LIN52: variants seen among roughly 807,000 people sequenced by gnomAD.
LIN52 encodes the protein protein lin-52 homolog.
Under a neutral mutation model 18.5 loss-of-function variants are expected in LIN52, and 4 were observed. The observed-to-expected ratio is 0.22, with a 90% CI of 0.11 to 0.49. The LOEUF (loss-of-function observed/expected upper bound fraction) is 0.49. LIN52 is among the 20% of genes least tolerant of loss of function. LIN52 has a pLI of 0.97. For synonymous variants in LIN52, 34 were observed against 45.5 expected (o/e 0.75, Z 1.02); for missense variants, 102 against 139.5 (o/e 0.73, Z 1.35).
chr14:74,151,527 A>C (rs891306286), intron 5 of LIN52, among the ~76,000 whole-genome samples: 1 of 152,230 alleles, frequency 6.6e-6, no homozygotes, highest in African/African-American at 2.4e-5. Flanking sequence ...GTGATTGACC[A>C]GTCTGTTTTT....
At chr14:74,124,277 A>G (rs934806668) in intron 5 of LIN52, among the ~76,000 whole-genome samples, 1 of 152,184 alleles carries the variant, frequency 6.6e-6, no homozygotes, top group African/African-American at 2.4e-5. Flanking sequence ...CTACAGAATG[A>G]TGTATGTAAG....
chr14:74,173,261 C>T (rs989368577), intron 5 of LIN52, among the ~76,000 whole-genome samples: 8 of 152,106 alleles, frequency 5.3e-5, no homozygotes, highest in Non-Finnish European at 8.8e-5. Context: ...GATCTCAGCT[C>T]GCCGCAACCT....
intron 5 of LIN52, among the ~76,000 whole-genome samples, chr14:74,167,112 CTTTTTTTT>C (rs9323596): frequency 0.012 from 1,481 of 119,120 alleles, 30 homozygotes; most frequent in African/African-American, 0.043. Flanking sequence ...GCCTCTGCTG[CTTTTTTTT>C]TTTTTTTTTT....
At chr14:74,155,966 A>G (rs2061197485) in intron 5 of LIN52, among the ~76,000 whole-genome samples, 1 of 152,200 alleles carries the variant, frequency 6.6e-6, no homozygotes, top group Non-Finnish European at 1.5e-5. Context: ...AATTGACGGT[A>G]GATAAATGTT....
chr14:74,191,221 C>T (rs2078874307), intron 5 of LIN52, among the ~76,000 whole-genome samples: 1 of 152,238 alleles, frequency 6.6e-6, no homozygotes, highest in African/African-American at 2.4e-5. Flanking sequence ...TGCCAATCCA[C>T]CAGAATACCT....
chr14:74,141,117 A>G (rs1158995198), intron 5 of LIN52, among the ~76,000 whole-genome samples: 1 of 152,218 alleles, frequency 6.6e-6, no homozygotes, highest in Non-Finnish European at 1.5e-5. Context: ...GAATATGTTA[A>G]ACTTATACAA....
At chr14:74,138,787 G>C (rs1052964932) in intron 5 of LIN52, among the ~76,000 whole-genome samples, 73 of 148,762 alleles carry the variant, frequency 4.9e-4, no homozygotes, top group Non-Finnish European at 7.1e-4. Context: ...AAAAAAAAAG[G>C]CATCTTTGAA....
intron 5 of LIN52, among the ~76,000 whole-genome samples, chr14:74,132,095 A>G (rs2061071739): frequency 1.3e-5 from 2 of 152,204 alleles, no homozygotes; most frequent in Admixed American, 6.5e-5. Flanking sequence ...ACATGTGTAT[A>G]CTCATTTAAT....
intron 5 of LIN52, among the ~76,000 whole-genome samples, chr14:74,129,087 G>A (rs367972430): frequency 6.6e-6 from 1 of 152,190 alleles, no homozygotes; most frequent in African/African-American, 2.4e-5. Flanking sequence ...GTATGAATGA[G>A]TGAGTTAGTT....
intron 5 of LIN52, among the ~76,000 whole-genome samples, chr14:74,140,653 C>T (rs1401256819): frequency 1.3e-5 from 2 of 152,192 alleles, no homozygotes; most frequent in African/African-American, 4.8e-5. Context: ...CCAGAGGTCC[C>T]AGTGGGGCGG....
chr14:74,198,842 A>G, intron 5 of LIN52, 80 bp from the exon 6 acceptor site: 1 of 1,076,722 alleles, frequency 9.3e-7, no homozygotes, highest in Non-Finnish European at 1.4e-6. Context: ...ATCAATCTGC[A>G]TTTTTAAATT....
At chr14:74,180,289 G>A (rs1254276916) in intron 5 of LIN52, among the ~76,000 whole-genome samples, 14 of 122,296 alleles carry the variant, frequency 1.1e-4, no homozygotes, top group African/African-American at 4.4e-4. Flanking sequence ...TTTTTGAGAC[G>A]GAGCCTCAAT....
At chr14:74,197,767 G>A (rs1408048365) in intron 5 of LIN52, among the ~76,000 whole-genome samples, 1 of 152,188 alleles carries the variant, frequency 6.6e-6, no homozygotes, top group African/African-American at 2.4e-5. Context: ...GGTCCCAGAG[G>A]TTGTGTAGTT....
intron 4 of LIN52, among the ~76,000 whole-genome samples, chr14:74,100,895 T>C (rs757858664): frequency 3.3e-5 from 5 of 152,182 alleles, no homozygotes; most frequent in African/African-American, 4.8e-5. Flanking sequence ...AGGCATGTGC[T>C]ACCATGCCCA....
Position 74,200,505 on chromosome 14 carries a change from C to T in LIN52, c.*1528C>T, listed in dbSNP as rs1277611335. 6.7e-6 allele frequency: 1 copy of T among 149,548 alleles called. No individual in the cohort carries two copies. Among genetic ancestry groups the T allele is most frequent in the Non-Finnish European group, 1.5e-5 (1 of 67,714 alleles). 9.3% of individuals were successfully genotyped at this position (149,548 alleles called of 1,614,324 possible). On this transcript the variant is annotated 3_prime_UTR_variant, in exon 6 of 6. Transcript: ENST00000555028. ...CACAAGAAAAGTTATGGTTTTGAGT[C>T]GTGAGTGTTTGCTAGGGCATGGCAC... is the stretch of plus-strand genomic sequence containing the variant.
rs2061055285 is a variant in LIN52, at chr14:74,130,278, G to GTTTTTTTTTTTGTTTTTTTTTTTTTT, written c.283+29051_283+29052insGTTTTTTTTTTTTTTTTTTTTTTTTT. Among the ~76,000 whole-genome samples the GTTTTTTTTTTTGTTTTTTTTTTTTTT allele has an allele frequency of 1.2e-4, 8 of 64,824 alleles. 1 individual carries two copies. The East Asian group carries it at 1.4e-3, about 11-fold the overall frequency. 42.5% of individuals were successfully genotyped at this position (64,824 alleles called of 152,430 possible). A position where few individuals can be genotyped will look rare whatever the true frequency, so the allele number is the denominator to read the frequency against. On this transcript the variant is annotated intron_variant, in intron 5 of 5. Transcript: ENST00000555028. ...GAATTTATTAGATAGGCATTTTTTG[G>GTTTTTTTTTTTGTTTTTTTTTTTTTT]TTTTTTTTTTTTTTTTTTGAGACAG...
chr14:74,198,856 T>C (rs2078930562), intron 5 of LIN52, 66 bp from the exon 6 acceptor site: 2 of 1,175,054 alleles, frequency 1.7e-6, no homozygotes, highest in Non-Finnish European at 2.5e-6. Context: ...TTAAATTAAA[T>C]CTTCCTATGA....
intron 5 of LIN52, among the ~76,000 whole-genome samples, chr14:74,171,745 TTTTTTTTTTTTGAGAC>T (rs2061272076): frequency 6.9e-6 from 1 of 144,858 alleles, no homozygotes; most frequent in South Asian, 2.2e-4. Flanking sequence ...TCTTTTTTTT[TTTTTTTTTTTTGAGAC>T]AGAGTCTTGC....
intron 5 of LIN52, among the ~76,000 whole-genome samples, chr14:74,160,601 T>C (rs2061219897): frequency 6.6e-6 from 1 of 152,216 alleles, no homozygotes; most frequent in Non-Finnish European, 1.5e-5. Context: ...TCTTTTCCAT[T>C]TTTCTAAGTC....
Sources: gnomAD v4.1 joint callset for allele counts (sites outside exome capture counted in the v4.1 genomes callset) on GRCh38, gnomAD v4.1.1 for gene constraint, MANE v1.5 for transcripts, NCBI Gene and HGNC (gene_info 2026-07-23, HGNC 2026-07-21) for gene names.